Variants in EPC2 observed in about 807,000 individuals in gnomAD.
EPC2 encodes enhancer of polycomb 2, also known as enhancer of polycomb homolog 2.
Under a neutral mutation model 92.1 loss-of-function variants are expected in EPC2, and 14 were observed. The observed-to-expected ratio is 0.15, with a 90% CI of 0.10 to 0.24. The LOEUF (loss-of-function observed/expected upper bound fraction) is 0.24, where lower values mean the gene tolerates loss of function less well. Among genes scored for constraint, EPC2 ranks in the 10% least tolerant of loss-of-function variants. EPC2 has a pLI of 1.00. For missense variants in EPC2, 755 were observed against 971.5 expected (o/e 0.78, Z 2.96); for synonymous variants, 340 against 334.7 (o/e 1.02, Z -0.17).
Position 148,645,165 on chromosome 2 carries a change from G to A in EPC2, c.148G>A (p.Glu50Lys). 6.2e-7 allele frequency: 1 copy of A among 1,607,886 alleles called. No individual in the cohort carries two copies. The highest frequency in any genetic ancestry group is 8.5e-7 in the Non-Finnish European group (1 of 1,177,272). Reference sequence around the variant, plus strand: ...GCCCACCGGGATGGAGAAGGAGGAGGAATCGGTAGGGACTCGAGTGTTTAT... The same window carrying A: ...GCCCACCGGGATGGAGAAGGAGGAGAAATCGGTAGGGACTCGAGTGTTTAT... The part of the protein sequence containing the change: ...QMPTGMEKEE[E>K]SEHHLQRAIS... The change falls in exon 1 of 14, where the codon GAA (glutamate) becomes AAA (lysine). Residue 50 changes from glutamate to lysine, a missense_variant. Glu to Lys is a moderately conservative substitution (Grantham distance 56). This residue lies in a region of EPC2 where 36 missense variants were observed against 84.0 expected (regional missense o/e 0.43). Transcript: ENST00000258484.
At chr2:148,724,061 G>GA (rs1682437010) in intron 2 of EPC2, among the ~76,000 whole-genome samples, 1 of 152,036 alleles carries the variant, frequency 6.6e-6, no homozygotes, top group Non-Finnish European at 1.5e-5. Flanking sequence ...TGGTTTTAAA[G>GA]AAGTTTTTGA....
chr2:148,658,268 T>G (rs749827079), intron 1 of EPC2, among the ~76,000 whole-genome samples: 1 of 152,130 alleles, frequency 6.6e-6, no homozygotes, highest in African/African-American at 2.4e-5. Flanking sequence ...CATGACAGTC[T>G]TCTTGTGCTG....
chr2:148,696,823 T>G (rs1040171612), intron 2 of EPC2, among the ~76,000 whole-genome samples: 1 of 152,174 alleles, frequency 6.6e-6, no homozygotes, highest in African/African-American at 2.4e-5. Context: ...TTCCCCTACC[T>G]TAAGAGACTA....
At chr2:148,748,813 CA>C (rs921549825) in intron 3 of EPC2, among the ~76,000 whole-genome samples, 17 of 150,724 alleles carry the variant, frequency 1.1e-4, no homozygotes, top group South Asian at 2.1e-4. Context: ...TGTTGGGACT[CA>C]AAAAAAAATT....
chr2:148,663,229 A>G (rs2105356239), intron 1 of EPC2, among the ~76,000 whole-genome samples: 1 of 146,702 alleles, frequency 6.8e-6, no homozygotes, highest in East Asian at 2.0e-4. Flanking sequence ...TATTATTATT[A>G]TTATTATTAT....
chr2:148,651,632 GGATT>G (rs1680687419), intron 1 of EPC2, among the ~76,000 whole-genome samples: 1 of 152,116 alleles, frequency 6.6e-6, no homozygotes, highest in Non-Finnish European at 1.5e-5. Flanking sequence ...TGGTTGTCAT[GGATT>G]AACCCATTTA....
intron 2 of EPC2, among the ~76,000 whole-genome samples, chr2:148,695,717 G>A (rs1238460758): frequency 6.6e-6 from 1 of 152,166 alleles, no homozygotes; most frequent in Admixed American, 6.5e-5. Context: ...TATACAGTAA[G>A]ACTTATTGGT....
intron 1 of EPC2, among the ~76,000 whole-genome samples, chr2:148,651,626 T>C (rs1184362680): frequency 6.6e-6 from 1 of 150,420 alleles, no homozygotes; most frequent in Non-Finnish European, 1.5e-5. Context: ...TAGTTCTGGT[T>C]GTCATGGATT....
At chr2:148,718,425 A>G (rs1682300752) in intron 2 of EPC2, among the ~76,000 whole-genome samples, 1 of 152,222 alleles carries the variant, frequency 6.6e-6, no homozygotes, top group African/African-American at 2.4e-5. Flanking sequence ...CTTGCAAGGC[A>G]GGCCTGATGG....
intron 2 of EPC2, among the ~76,000 whole-genome samples, chr2:148,703,483 C>T (rs538912067): frequency 6.6e-6 from 1 of 151,948 alleles, no homozygotes; most frequent in Non-Finnish European, 1.5e-5. Context: ...GTTTCAGGAT[C>T]CTTTTCTTTG....
chr2:148,777,074 A>G (rs773940625), intron 10 of EPC2, among the ~76,000 whole-genome samples: 1 of 151,746 alleles, frequency 6.6e-6, no homozygotes, highest in Admixed American at 6.6e-5. Context: ...TGCCCAGGCT[A>G]GTCTTGAACC....
At chr2:148,748,636 T>G (rs1683030804) in intron 3 of EPC2, among the ~76,000 whole-genome samples, 1 of 152,194 alleles carries the variant, frequency 6.6e-6, no homozygotes, top group Non-Finnish European at 1.5e-5. Context: ...AACCCAACTG[T>G]AAACATGAAA....
At chr2:148,673,973 A>T (rs1267315766) in intron 1 of EPC2, among the ~76,000 whole-genome samples, 1 of 151,878 alleles carries the variant, frequency 6.6e-6, no homozygotes, top group Non-Finnish European at 1.5e-5. Flanking sequence ...TTATTAGATA[A>T]TTCATAGATC....
intron 10 of EPC2, among the ~76,000 whole-genome samples, chr2:148,774,991 A>G (rs1683598993): frequency 1.3e-5 from 2 of 151,496 alleles, no homozygotes; most frequent in African/African-American, 2.4e-5. Flanking sequence ...GGGGAGGTTG[A>G]GGCAGGAGAA....
At chr2:148,743,225 T>G (rs922036206) in intron 2 of EPC2, among the ~76,000 whole-genome samples, 5 of 152,266 alleles carry the variant, frequency 3.3e-5, no homozygotes, top group African/African-American at 1.2e-4. Flanking sequence ...TAGATACCTG[T>G]TTTATCCTCA....
chr2:148,671,287 A>ATTTT lies in EPC2; in HGVS notation c.154-18910_154-18907dup, dbSNP rs60048357. Among the ~76,000 whole-genome samples the ATTTT allele has an allele frequency of 4.5e-4, 57 of 127,092 alleles. 1 individual carries two copies. Among genetic ancestry groups the ATTTT allele is most frequent in the East Asian group, 1.1e-3 (5 of 4,580 alleles). The allele number at this position is 127,092 out of a possible 152,430, so 83.4% of individuals were successfully genotyped here. A position where few individuals can be genotyped will look rare whatever the true frequency, so the allele number is the denominator to read the frequency against. On this transcript the variant is annotated intron_variant, in intron 1 of 13. Transcript: ENST00000258484. Reference sequence around the variant, plus strand: ...TGCTAAATCTCTATTGTGGATTGTGATTTTTTTTTTTTTTTTTTTTGTAGC... The same window carrying ATTTT: ...TGCTAAATCTCTATTGTGGATTGTGATTTTTTTTTTTTTTTTTTTTTTTTGTAGC...
chr2:148,762,918 T>C (rs1574629159), intron 6 of EPC2, 116 bp downstream of exon 6: 1 of 1,159,120 alleles, frequency 8.6e-7, no homozygotes, highest in African/African-American at 1.5e-5. Context: ...AACGTGACTT[T>C]AGTTCTTACC....
At chr2:148,700,563 G>C (rs1681853817) in intron 2 of EPC2, among the ~76,000 whole-genome samples, 1 of 131,966 alleles carries the variant, frequency 7.6e-6, no homozygotes, top group Non-Finnish European at 1.5e-5. Flanking sequence ...GTATGGATCT[G>C]TATCTGGGCT....
chr2:148,730,694 A>G (rs1682600880), intron 2 of EPC2, among the ~76,000 whole-genome samples: 1 of 152,200 alleles, frequency 6.6e-6, no homozygotes, highest in African/African-American at 2.4e-5. Context: ...GTCAGATCCC[A>G]TGATCTCCTT....
Sources: allele counts gnomAD v4.1 joint callset (sites outside exome capture counted in the v4.1 genomes callset), GRCh38; gene constraint gnomAD v4.1.1; regional missense constraint gnomAD v4.1.1; transcripts MANE v1.5; gene names NCBI Gene and HGNC (gene_info 2026-07-23, HGNC 2026-07-21).